Variants in PDXDC1 observed in about 807,000 individuals in gnomAD.
PDXDC1 encodes pyridoxal dependent decarboxylase domain containing 1.
PDXDC1 carries 42 observed loss-of-function variants against 100.1 expected under a neutral mutation model. The ratio of observed to expected loss-of-function variants is 0.42; its 90% CI spans 0.33 to 0.54. The LOEUF is 0.54. Ranked by LOEUF, PDXDC1 falls within the 20% of genes least tolerant of loss-of-function variation. The pLI is 0.10. For missense variants in PDXDC1, 636 were observed against 979.2 expected (o/e 0.65, Z 4.68); for synonymous variants, 260 against 371.7 (o/e 0.70, Z 3.46).
chr16:15,130,632 C>T lies in PDXDC1; in HGVS notation c.1400-8247C>T, dbSNP rs771274347. ...CCCTGCCAGGCCGGCCCGCAGAGCT[C>T]ACCCCGGGGAAATGAAGAAGGTGTA... On this transcript the variant is annotated intron_variant, in intron 16 of 16. Transcript: ENST00000535621. 2.0e-5 allele frequency: 27 copies of T among 1,352,524 alleles called. No homozygotes were observed. The South Asian group carries it at 2.6e-4, about 13-fold the overall frequency. 83.8% of individuals were successfully genotyped at this position (1,352,524 alleles called of 1,614,324 possible).
rs1272126026 is a variant in PDXDC1 at position 15,126,283 on chromosome 16, C to T, written c.1400-12596C>T. 3.7e-5 allele frequency among the ~76,000 whole-genome samples: 5 copies of T among 134,402 alleles called. No individual in the cohort carries two copies. The South Asian group carries it at 8.0e-4, about 21-fold the overall frequency. 88.2% of individuals were successfully genotyped at this position (134,402 alleles called of 152,430 possible). ...AACTCCTGACCTCAAGTGATCTGCC[C>T]GCCTCCGCCTCCCAAAGTGCTGGGA... On this transcript the variant is annotated intron_variant, in intron 16 of 16. Transcript: ENST00000535621.
At position 15,016,173 on chromosome 16, in the gene PDXDC1, G is replaced by T; in HGVS notation, c.772G>T (p.Glu258Ter). 6.2e-7 allele frequency: 1 copy of T among 1,613,490 alleles called. No individual in the cohort carries two copies. Among genetic ancestry groups the T allele is most frequent in the Non-Finnish European group, 8.5e-7 (1 of 1,179,864 alleles). Residue 258 changes from glutamate (E) to a stop codon, truncating the protein, a stop_gained, in exon 9 of 23, where the codon GAA (glutamate) becomes TAA (stop). Coordinates refer to ENST00000396410, the MANE Select transcript of PDXDC1 (RefSeq NM_015027.4). LOFTEE classifies it high-confidence loss of function. ...GHTDKIGRLK[E>*]LCEQYGIWLH... ...CACAGACAAGATTGGGAGATTGAAA[G>T]AACTCTGTGAGCAGTATGGCATATG...
At chr16:15,079,124 C>G (rs1054240465) in intron 16 of PDXDC1, among the ~76,000 whole-genome samples, 5 of 151,954 alleles carry the variant, frequency 3.3e-5, no homozygotes, top group Non-Finnish European at 4.4e-5. Flanking sequence ...CTTCATATTT[C>G]TAACTACCAT....
chr16:14,980,417 A>G (rs1967695799), intron 1 of PDXDC1, among the ~76,000 whole-genome samples: 1 of 152,264 alleles, frequency 6.6e-6, no homozygotes, highest in African/African-American at 2.4e-5. Flanking sequence ...GGTTCAAGCA[A>G]TTCTCCTGCC....
In PDXDC1 at chr16:15,037,242, A is replaced by C. The variant is rs192586339; in HGVS notation, c.*967A>C. Reference sequence around the variant, plus strand: ...CCGGGCACCCTGCTTAAGTCAGTAGAAGCTCGCTGGCACTGCCCGTTCCTA... The same window carrying C: ...CCGGGCACCCTGCTTAAGTCAGTAGCAGCTCGCTGGCACTGCCCGTTCCTA... On this transcript the variant is annotated 3_prime_UTR_variant, in exon 23 of 23. Coordinates refer to ENST00000396410, the MANE Select transcript of PDXDC1 (RefSeq NM_015027.4). 5.3e-5 allele frequency: 8 copies of C among 152,262 alleles called. No homozygotes were observed. The highest frequency in any genetic ancestry group is 3.9e-4 in the Admixed American group (6 of 15,294). The allele number at this position is 152,262 out of a possible 1,614,324, so 9.4% of individuals were successfully genotyped here.
chr16:15,130,886 G>A (rs2048019733), intron 16 of PDXDC1: 9 of 722,280 alleles, frequency 1.2e-5, no homozygotes, highest in Non-Finnish European at 1.9e-5. Context: ...TCTGCCACGG[G>A]CCTGAAAGGC....
chr16:15,076,981 T>TC lies in PDXDC1; in HGVS notation c.1399+46925_1399+46926insC, dbSNP rs1390405641. On this transcript the variant is annotated intron_variant, in intron 16 of 16. Transcript: ENST00000535621. ...GGCTCTGTGTCCCCACCCAAATCAC[T>TC]TTTTTTTTTTTTTTTGAGGCAGAGT... Among the ~76,000 whole-genome samples the TC allele has an allele frequency of 2.6e-3, 57 of 22,312 alleles. 1 individual carries two copies. Among genetic ancestry groups the TC allele is most frequent in the Non-Finnish European group, 8.4e-3 (38 of 4,514 alleles). 14.6% of individuals were successfully genotyped at this position (22,312 alleles called of 152,430 possible).
intron 16 of PDXDC1, among the ~76,000 whole-genome samples, chr16:15,090,778 C>T (rs1289899292): frequency 1.3e-5 from 2 of 152,038 alleles, no homozygotes; most frequent in East Asian, 1.9e-4. Context: ...CTCTTCAAAA[C>T]TGGGCAGTAA....
At chr16:15,022,663 A>G (rs766233732) in intron 12 of PDXDC1, 41 bp from the exon 13 acceptor site, 2 of 1,593,522 alleles carry the variant, frequency 1.3e-6, no homozygotes, top group Admixed American at 3.4e-5. Context: ...TTCATGTCCC[A>G]CGTCCATCTA....
At chr16:15,088,826 G>C (rs906130363) in intron 16 of PDXDC1, among the ~76,000 whole-genome samples, 6 of 152,136 alleles carry the variant, frequency 3.9e-5, no homozygotes, top group African/African-American at 1.4e-4. Flanking sequence ...GGGGGGCCTT[G>C]TAAACCAGAT....
Position 15,117,325 on chromosome 16 carries a change from C to T in PDXDC1, c.1400-21554C>T, listed in dbSNP as rs1384234415. Among the ~76,000 whole-genome samples, 5 of 104,816 alleles carry T rather than the reference C, an allele frequency of 4.8e-5. No homozygotes were observed. In the South Asian group the frequency reaches 1.1e-3, roughly 23 times the overall value. 68.8% of individuals were successfully genotyped at this position (104,816 alleles called of 152,430 possible). A position where few individuals can be genotyped will look rare whatever the true frequency, so the allele number is the denominator to read the frequency against. On this transcript the variant is annotated intron_variant, in intron 16 of 16. Transcript: ENST00000535621. ...GATCTTGAAAGGGGGTTGGTTTATGCTGGTGTATGTACTTTCCAAAGTTAG... is the reference window on the plus strand; with the variant it reads ...GATCTTGAAAGGGGGTTGGTTTATGTTGGTGTATGTACTTTCCAAAGTTAG...
rs1326930655 is a variant in PDXDC1, at chr16:15,038,265, T to C, written c.*1990T>C. ...AAGCCAACCTTACTGTCCCCTGCTG[T>C]GATAAAGATGTCAAAGTATCTTTGT... On this transcript the variant is annotated 3_prime_UTR_variant, in exon 23 of 23. Coordinates refer to ENST00000396410, the MANE Select transcript of PDXDC1 (RefSeq NM_015027.4). The C allele has an allele frequency of 2.5e-6, 3 of 1,215,200 alleles. No homozygotes were observed. Among genetic ancestry groups the C allele is most frequent in the Non-Finnish European group, 2.4e-6 (2 of 846,802 alleles). The allele number at this position is 1,215,200 out of a possible 1,614,324, so 75.3% of individuals were successfully genotyped here. A position where few individuals can be genotyped will look rare whatever the true frequency, so the allele number is the denominator to read the frequency against.
At chr16:15,074,864 T>C (rs1346163513) in intron 16 of PDXDC1, 1 of 1,603,522 alleles carries the variant, frequency 6.2e-7, no homozygotes, top group East Asian at 2.2e-5. Context: ...TCTTCATCCT[T>C]TGAAGACAAA....
chr16:15,022,320 A>G (rs376916732), intron 12 of PDXDC1, among the ~76,000 whole-genome samples: 1,358 of 151,840 alleles, frequency 8.9e-3, no homozygotes, highest in Middle Eastern at 0.034. Flanking sequence ...GCAGGTGATG[A>G]GTGGCAGCAC....
chr16:15,150,150 C>T, the PDXDC1 span, among the ~76,000 whole-genome samples: 117 of 151,886 alleles, frequency 7.7e-4, 1 homozygote, highest in East Asian at 0.02. Context: ...CCAGACCATC[C>T]TGGCTAACAC....
intron 16 of PDXDC1, among the ~76,000 whole-genome samples, chr16:15,082,540 C>A (rs1444758592): frequency 6.6e-6 from 1 of 151,814 alleles, no homozygotes; most frequent in African/African-American, 2.4e-5. Context: ...GGGTGTGGTG[C>A]CCCATGTCTA....
intron 1 of PDXDC1, among the ~76,000 whole-genome samples, chr16:14,994,982 A>G (rs1164007735): frequency 1.3e-5 from 2 of 152,300 alleles, no homozygotes. Context: ...ATTTTTGCAC[A>G]TTGATTCTGT....
At chr16:15,094,183 C>T (rs138391775) in intron 16 of PDXDC1, 4 of 1,601,758 alleles carry the variant, frequency 2.5e-6, no homozygotes, top group East Asian at 4.5e-5. Flanking sequence ...CTGCAGAGGA[C>T]GAAGCGGCCG....
intron 16 of PDXDC1, among the ~76,000 whole-genome samples, chr16:15,109,522 T>C (rs1213632549): frequency 6.7e-6 from 1 of 148,158 alleles, no homozygotes; most frequent in Non-Finnish European, 1.5e-5. Context: ...CTGGGCATGG[T>C]GGCATATGCC....
Sources: allele counts gnomAD v4.1 joint callset (sites outside exome capture counted in the v4.1 genomes callset), GRCh38; gene constraint gnomAD v4.1.1; transcripts MANE v1.5; gene names NCBI Gene and HGNC (gene_info 2026-07-23, HGNC 2026-07-21).